The following PEPD variants were observed in gnomAD, a reference collection of about 807,000 sequenced individuals.
PEPD encodes the protein xaa-Pro dipeptidase.
Under a neutral mutation model 60.7 loss-of-function variants are expected in PEPD, and 53 were observed. That is an observed-to-expected ratio of 0.87 (90% CI 0.70 to 1.10). PEPD has a LOEUF of 1.10. PEPD is among the 50% of genes least tolerant of loss of function. The pLI is 0.00. For synonymous variants in PEPD, 267 were observed against 284.1 expected, an observed-to-expected ratio of 0.94 and a Z score of 0.60; for missense variants, 711 against 711.9, an observed-to-expected ratio of 1.00 and a Z score of 0.01.
At chr19:33,519,606 T>G (rs1212406651) in intron 1 of PEPD, among the ~76,000 whole-genome samples, 2 of 152,160 alleles carry the variant, frequency 1.3e-5, no homozygotes, top group Non-Finnish European at 2.9e-5. Flanking sequence ...TCAAAGTACA[T>G]GGGAAAGCCC....
At position 33,389,919 on chromosome 19, in the gene PEPD, G is replaced by A. The variant is rs150436378; in HGVS notation, c.1152+1376C>T. Reference sequence around the variant, plus strand: ...ATAAGAGAATGGGAAGGGCTGGGCCGGGTGGAGCGCAGAGCCATGTGGGGA... The same window carrying A: ...ATAAGAGAATGGGAAGGGCTGGGCCAGGTGGAGCGCAGAGCCATGTGGGGA... On this transcript the variant is annotated intron_variant, in intron 13 of 14. Coordinates refer to ENST00000244137, the MANE Select transcript of PEPD (RefSeq NM_000285.4). Among the ~76,000 whole-genome samples, 900 of 152,376 alleles carry A rather than the reference G, an allele frequency of 5.9e-3. 5 individuals are homozygous for A. Among genetic ancestry groups the A allele is most frequent in the African/African-American group, 0.02 (840 of 41,592 alleles).
intron 4 of PEPD, among the ~76,000 whole-genome samples, chr19:33,495,844 C>T (rs10445599): frequency 0.12 from 18,767 of 152,014 alleles, 1,585 homozygotes; most frequent in Non-Finnish European, 0.19. Flanking sequence ...AAAAATTAGC[C>T]GGGCTTGGTG....
At chr19:33,467,021 G>A (rs1160677294) in intron 7 of PEPD, among the ~76,000 whole-genome samples, 2 of 151,924 alleles carry the variant, frequency 1.3e-5, no homozygotes, top group African/African-American at 4.8e-5. Flanking sequence ...GCTGGGCATG[G>A]TGGCGGGCGC....
intron 12 of PEPD, among the ~76,000 whole-genome samples, chr19:33,393,855 C>T (rs549925328): frequency 2.6e-5 from 4 of 152,260 alleles, no homozygotes; most frequent in Non-Finnish European, 4.4e-5. Flanking sequence ...GCACACAGGC[C>T]GTTTTACCTC....
intron 13 of PEPD, among the ~76,000 whole-genome samples, chr19:33,389,664 G>T (rs1378268634): frequency 1.3e-5 from 2 of 152,198 alleles, no homozygotes; most frequent in African/African-American, 4.8e-5. Context: ...GCCCACCCCG[G>T]CTGCTCCATG....
At chr19:33,491,529 T>G (rs1970500904) in intron 5 of PEPD, among the ~76,000 whole-genome samples, 1 of 152,192 alleles carries the variant, frequency 6.6e-6, no homozygotes, top group South Asian at 2.1e-4. Flanking sequence ...CATTTTCACT[T>G]CCTGCAGAAA....
intron 11 of PEPD, among the ~76,000 whole-genome samples, chr19:33,404,791 C>T (rs561462009): frequency 7.9e-4 from 120 of 151,466 alleles, no homozygotes; most frequent in Non-Finnish European, 1.5e-3. Context: ...TTTCGTGCTC[C>T]TCTCAGTTCC....
At chr19:33,487,584 C>G (rs1442576079) in intron 6 of PEPD, among the ~76,000 whole-genome samples, 1 of 152,180 alleles carries the variant, frequency 6.6e-6, no homozygotes, top group Admixed American at 6.5e-5. Context: ...ACTGACGCAC[C>G]AGCACCCGGG....
At chr19:33,410,982 C>T (rs1014385966) in intron 11 of PEPD, among the ~76,000 whole-genome samples, 6 of 152,062 alleles carry the variant, frequency 3.9e-5, no homozygotes, top group Non-Finnish European at 7.4e-5. Context: ...CTCCCTGCCC[C>T]GGGGCAGCGG....
chr19:33,445,231 C>T (rs1400984053), intron 9 of PEPD, among the ~76,000 whole-genome samples: 1 of 152,218 alleles, frequency 6.6e-6, no homozygotes, highest in Non-Finnish European at 1.5e-5. Context: ...GTCCACTGGG[C>T]TGCCTGCTGC....
chr19:33,413,771 A>G, intron 9 of PEPD, 128 bp from the exon 10 acceptor site: 1 of 674,950 alleles, frequency 1.5e-6, no homozygotes, highest in Non-Finnish European at 2.7e-6. Context: ...CAATGGTCCA[A>G]ACTCTCAGTG....
intron 12 of PEPD, among the ~76,000 whole-genome samples, chr19:33,399,236 G>A (rs932862675): frequency 2.6e-5 from 4 of 152,140 alleles, no homozygotes; most frequent in African/African-American, 9.7e-5. Context: ...TGATCCGCCC[G>A]CCTCCCAAGT....
At chr19:33,393,636 CCGGA>C (rs1568447004) in intron 12 of PEPD, among the ~76,000 whole-genome samples, 1 of 152,132 alleles carries the variant, frequency 6.6e-6, no homozygotes, top group African/African-American at 2.4e-5. Context: ...AGGCAGCACC[CCGGA>C]CAGTGGCATT....
At chr19:33,458,397 G>A (rs1316544557) in intron 9 of PEPD, among the ~76,000 whole-genome samples, 1 of 151,156 alleles carries the variant, frequency 6.6e-6, no homozygotes, top group Non-Finnish European at 1.5e-5. Context: ...AGTGATGTAT[G>A]GTGTGTGTGG....
intron 11 of PEPD, among the ~76,000 whole-genome samples, chr19:33,404,270 T>G (rs548378646): frequency 1.3e-5 from 2 of 152,284 alleles, no homozygotes; most frequent in East Asian, 3.9e-4. Flanking sequence ...AAAAATGGTT[T>G]GTGGTTTGTT....
chr19:33,429,285 T>C (rs1037957556), intron 9 of PEPD, among the ~76,000 whole-genome samples: 1 of 151,974 alleles, frequency 6.6e-6, no homozygotes, highest in South Asian at 2.1e-4. Flanking sequence ...GTTTCTGTTG[T>C]TACCACCCCA....
chr19:33,436,556 G>C (rs1969380793), intron 9 of PEPD, among the ~76,000 whole-genome samples: 1 of 152,236 alleles, frequency 6.6e-6, no homozygotes. Flanking sequence ...AGGGGCAGAG[G>C]GGCTGGGAGA....
At chr19:33,482,964 G>A (rs1385109982) in intron 6 of PEPD, among the ~76,000 whole-genome samples, 1 of 152,184 alleles carries the variant, frequency 6.6e-6, no homozygotes, top group Non-Finnish European at 1.5e-5. Flanking sequence ...CAGAATACAT[G>A]CTTTCTTTAA....
chr19:33,475,063 T>G (rs896549696), intron 7 of PEPD, among the ~76,000 whole-genome samples: 8 of 151,920 alleles, frequency 5.3e-5, no homozygotes, highest in Non-Finnish European at 8.8e-5. Context: ...GTGAGGAAAC[T>G]GAGGCTGGGT....
Sources: gnomAD v4.1 joint callset for allele counts (sites outside exome capture counted in the v4.1 genomes callset) on GRCh38, gnomAD v4.1.1 for gene constraint, MANE v1.5 for transcripts, NCBI Gene and HGNC (gene_info 2026-07-23, HGNC 2026-07-21) for gene names.